Variants in DHX33 observed in about 807,000 individuals in gnomAD.
The protein encoded by DHX33 is ATP-dependent RNA helicase DHX33.
A neutral mutation model predicts 72.5 loss-of-function variants in DHX33; 42 were observed. The observed-to-expected ratio is 0.58, with a 90% CI of 0.45 to 0.75. The LOEUF (loss-of-function observed/expected upper bound fraction) is 0.75. Among genes scored for constraint, DHX33 ranks in the 30% least tolerant of loss-of-function variants. The probability of loss-of-function intolerance (pLI) is 0.00; values close to 1 mark genes in which losing one functional copy is unlikely to be tolerated. For synonymous variants in DHX33, 358 were observed against 366.1 expected, an observed-to-expected ratio of 0.98 and a Z score of 0.25; for missense variants, 842 against 917.5, an observed-to-expected ratio of 0.92 and a Z score of 1.06.
intron 4 of DHX33, among the ~76,000 whole-genome samples, chr17:5,457,596 G>A (rs1458407356): frequency 3.5e-5 from 4 of 113,436 alleles, no homozygotes; most frequent in African/African-American, 1.2e-4. Flanking sequence ...GACACAGTGA[G>A]ACTCCATCTC....
chr17:5,460,493 C>G (rs1202308485), intron 4 of DHX33, among the ~76,000 whole-genome samples: 6 of 151,318 alleles, frequency 4.0e-5, no homozygotes, highest in Admixed American at 4.0e-4. Context: ...AAATGAACTC[C>G]TTATTCATTG....
rs1296296049 is a variant in DHX33, at chr17:5,443,615, G to C, written c.*590C>G. On this transcript the variant is annotated 3_prime_UTR_variant, in exon 12 of 12. Transcript: ENST00000225296. Reference sequence around the variant, plus strand: ...TACGAGATAACAGCACCTCCCTCTGGAAACTTCTACAGAAGTCAGTTTTGT... The same window carrying C: ...TACGAGATAACAGCACCTCCCTCTGCAAACTTCTACAGAAGTCAGTTTTGT... 6.6e-6 allele frequency: 1 copy of C among 152,486 alleles called. No homozygotes were observed. The highest frequency in any genetic ancestry group is 1.5e-5 in the Non-Finnish European group (1 of 68,350). The allele number at this position is 152,486 out of a possible 1,614,324, so 9.4% of individuals were successfully genotyped here.
At chr17:5,461,352 G>A (rs556725366) in intron 3 of DHX33, 27 of 275,154 alleles carry the variant, frequency 9.8e-5, no homozygotes, top group African/African-American at 3.8e-4. Flanking sequence ...GGTGGCTCAC[G>A]TCTGTAATCC....
At chr17:5,461,297 C>A (rs995960476) in intron 3 of DHX33, 188 bp from the exon 4 acceptor site, 1 of 453,392 alleles carries the variant, frequency 2.2e-6, no homozygotes, top group Non-Finnish European at 3.7e-6. Context: ...TGTTTCCTTT[C>A]CTTTCCTTCT....
chr17:5,450,288 A>AC lies in DHX33; in HGVS notation c.1642dup (p.Val548GlyfsTer29). The AC allele has an allele frequency of 3.7e-6, 6 of 1,614,062 alleles. No homozygotes were observed. The highest frequency in any genetic ancestry group is 5.1e-6 in the Non-Finnish European group (6 of 1,180,032). On this transcript the variant is annotated frameshift_variant, in exon 10 of 12. Coordinates refer to ENST00000225296, the MANE Select transcript of DHX33 (RefSeq NM_020162.4). LOFTEE classifies it high-confidence loss of function. The stretch of plus-strand genomic sequence containing the variant: ...CTCGCTGGATATGAACTTCTTGCGG[A>AC]CCCCTTGCACTTCCTCTCGCCGGGA...
chr17:5,450,863 G>C lies in DHX33; in HGVS notation c.1468C>G (p.Leu490Val). 6 of 1,614,232 alleles carry C rather than the reference G, an allele frequency of 3.7e-6. No individual in the cohort carries two copies. The highest frequency in any genetic ancestry group is 1.3e-5 in the African/African-American group (1 of 75,058). Residue 490 changes from leucine (L) to valine (V), a missense_variant, in exon 9 of 12, where the codon CTG becomes GTG. Leu to Val is a conservative substitution (Grantham distance 32). Coordinates refer to ENST00000225296, the MANE Select transcript of DHX33 (RefSeq NM_020162.4). ...ALEHKDDQLT[L>V]TPMGRKMAAF... ...GCCATCTTTCTTCCCATTGGAGTCA[G>C]GGTAAGCTGGTCATCCTTATGTTCA...
At chr17:5,467,337 A>G (rs929097483) in intron 1 of DHX33, among the ~76,000 whole-genome samples, 1 of 152,232 alleles carries the variant, frequency 6.6e-6, no homozygotes, top group Non-Finnish European at 1.5e-5. Flanking sequence ...CGAGACCAGG[A>G]AACTCTCCAT....
chr17:5,463,815 G>A (rs1904752945), intron 1 of DHX33, 126 bp from the exon 2 acceptor site: 2 of 884,600 alleles, frequency 2.3e-6, no homozygotes, highest in Non-Finnish European at 3.3e-6. Flanking sequence ...GAGCCCAGGA[G>A]TTCAAAATCA....
rs531990002 is a variant in DHX33 at position 5,445,437 on chromosome 17, C to T, written c.1816-924G>A. ...CATAGCTGGCTGCCTTCTCTTTCCT[C>T]GCCCCGTTTCATGATTCCTATCTGT... On this transcript the variant is annotated intron_variant, in intron 11 of 11. Coordinates refer to ENST00000225296, the MANE Select transcript of DHX33 (RefSeq NM_020162.4). Among the ~76,000 whole-genome samples, 10 of 152,314 alleles carry T rather than the reference C, an allele frequency of 6.6e-5. No individual in the cohort carries two copies. The East Asian group carries it at 1.7e-3, about 26-fold the overall frequency.
rs1046779403 is a variant in DHX33, at chr17:5,450,370, C to G, written c.1561G>C (p.Glu521Gln). 1 of 1,614,014 alleles carries G rather than the reference C, an allele frequency of 6.2e-7. No homozygotes were observed. Among genetic ancestry groups the G allele is most frequent in the Admixed American group, 1.7e-5 (1 of 59,996 alleles). The change falls in exon 10 of 12, where the codon GAG becomes CAG. Residue 521 changes from glutamate to glutamine, a missense_variant. Physicochemically the swap from Glu to Gln is conservative, Grantham distance 29. Coordinates refer to ENST00000225296, the MANE Select transcript of DHX33 (RefSeq NM_020162.4). The stretch of plus-strand genomic sequence containing the variant: ...AGCAGGGAGACAATGGTCAGGATCT[C>G]CTCTGTACAGTGGAATTTGGGGGAC... ...LMSPKFHCTE[E>Q]ILTIVSLLSV...
chr17:5,464,857 G>A (rs1904803616), intron 1 of DHX33, among the ~76,000 whole-genome samples: 1 of 152,140 alleles, frequency 6.6e-6, no homozygotes, highest in African/African-American at 2.4e-5. Flanking sequence ...CAGAACACCT[G>A]CCCTCACACT....
intron 1 of DHX33, among the ~76,000 whole-genome samples, chr17:5,465,909 A>G (rs1805440): frequency 0.013 from 1,986 of 152,226 alleles, 46 homozygotes; most frequent in African/African-American, 0.044. Flanking sequence ...TCTGCAGTGC[A>G]CCATCCTTAC....
At chr17:5,462,616 G>T in intron 2 of DHX33, 70 bp from the exon 3 acceptor site, 1 of 1,175,426 alleles carries the variant, frequency 8.5e-7, no homozygotes, top group Non-Finnish European at 1.3e-6. Flanking sequence ...GCACTAAGTT[G>T]GGCACTTGCA....
At chr17:5,465,992 C>T (rs910517239) in intron 1 of DHX33, among the ~76,000 whole-genome samples, 1 of 152,172 alleles carries the variant, frequency 6.6e-6, no homozygotes, top group Non-Finnish European at 1.5e-5. Flanking sequence ...GCCCTTGTGG[C>T]CAAGTTCCCC....
At chr17:5,451,890 G>A (rs12602366) in intron 8 of DHX33, among the ~76,000 whole-genome samples, 52,529 of 151,974 alleles carry the variant, frequency 0.35, 10,298 homozygotes, top group East Asian at 0.86. Flanking sequence ...AAAAGCATCA[G>A]CACAAATATA....
chr17:5,451,505 C>G (rs146302586), intron 8 of DHX33, among the ~76,000 whole-genome samples: 1 of 152,232 alleles, frequency 6.6e-6, no homozygotes, highest in African/African-American at 2.4e-5. Context: ...GTTACACTTA[C>G]GAATTTCACC....
rs910932272 is a variant in DHX33, at chr17:5,442,907, A to G, written c.*1298T>C. ...CTCTGCTCAGAATATCAGAACAGGA[A>G]CAGACTGTGGATATCCTCCAATTCC... On this transcript the variant is annotated 3_prime_UTR_variant, in exon 12 of 12. Transcript: ENST00000225296. The G allele has an allele frequency of 6.6e-6, 1 of 152,256 alleles. No individual in the cohort carries two copies. Among genetic ancestry groups the G allele is most frequent in the African/African-American group, 2.4e-5 (1 of 41,460 alleles). 9.4% of individuals were successfully genotyped at this position (152,256 alleles called of 1,614,324 possible).
At chr17:5,451,575 A>T (rs1338133337) in intron 8 of DHX33, among the ~76,000 whole-genome samples, 1 of 152,226 alleles carries the variant, frequency 6.6e-6, no homozygotes, top group Non-Finnish European at 1.5e-5. Context: ...CAGTGGAAAT[A>T]GCAGTTGTCT....
rs9904745 is a variant in DHX33, at chr17:5,460,075, C to T, written c.849+864G>A. 4.6e-3 allele frequency among the ~76,000 whole-genome samples: 672 copies of T among 147,208 alleles called. 6 individuals carry two copies. Among genetic ancestry groups the T allele is most frequent in the African/African-American group, 0.016 (615 of 39,144 alleles). ...TGTCACCCAGGCTGGAGTGCAGTGG[C>T]GCGATCTCGGCTCACTGCAAGCTCT... On this transcript the variant is annotated intron_variant, in intron 4 of 11. Coordinates refer to ENST00000225296, the MANE Select transcript of DHX33 (RefSeq NM_020162.4).
Sources: gnomAD v4.1 joint callset for allele counts (sites outside exome capture counted in the v4.1 genomes callset) on GRCh38, gnomAD v4.1.1 for gene constraint, MANE v1.5 for transcripts, NCBI Gene and HGNC (gene_info 2026-07-23, HGNC 2026-07-21) for gene names.